PIP5K1A: variants seen among roughly 807,000 people sequenced by gnomAD.
PIP5K1A encodes the protein phosphatidylinositol-4-phosphate 5-kinase type 1 alpha.
PIP5K1A carries 46 observed loss-of-function variants against 72.9 expected under a neutral mutation model. The observed-to-expected ratio is 0.63, with a 90% CI of 0.50 to 0.81. The LOEUF (loss-of-function observed/expected upper bound fraction) is 0.81. Ranked by LOEUF, PIP5K1A falls within the 30% of genes least tolerant of loss-of-function variation. PIP5K1A has a pLI of 0.00. For synonymous variants in PIP5K1A, 228 were observed against 255.1 expected (o/e 0.89, Z 1.01); for missense variants, 458 against 706.1 (o/e 0.65, Z 3.98).
At chr1:151,215,337 C>CTT (rs34641426) in intron 1 of PIP5K1A, among the ~76,000 whole-genome samples, 78 of 142,526 alleles carry the variant, frequency 5.5e-4, no homozygotes, top group Middle Eastern at 3.8e-3. Flanking sequence ...CGCACCCGGC[C>CTT]TTTTTTTTTT....
At chr1:151,207,885 A>G (rs1686166207) in intron 1 of PIP5K1A, among the ~76,000 whole-genome samples, 1 of 142,930 alleles carries the variant, frequency 7.0e-6, no homozygotes, top group Admixed American at 7.1e-5. Context: ...TTTTTTTGAG[A>G]CAGAGTTTCG....
At chr1:151,227,497 GTT>G in intron 4 of PIP5K1A, 97 bp downstream of exon 4, 3 of 704,248 alleles carry the variant, frequency 4.3e-6, no homozygotes, top group Non-Finnish European at 7.4e-6. Context: ...GTACTGTCCT[GTT>G]TCTTGATCTC....
At chr1:151,212,982 C>CT (rs1187509067) in intron 1 of PIP5K1A, among the ~76,000 whole-genome samples, 2 of 149,878 alleles carry the variant, frequency 1.3e-5, no homozygotes, top group Middle Eastern at 3.2e-3. Context: ...AGTTCGCCTC[C>CT]TGGGTTCATG....
intron 1 of PIP5K1A, among the ~76,000 whole-genome samples, chr1:151,205,980 C>T (rs587749891): frequency 1.7e-4 from 26 of 152,198 alleles, no homozygotes; most frequent in African/African-American, 4.6e-4. Flanking sequence ...AATGAAACAC[C>T]GATGGTGTTT....
chr1:151,220,231 C>T (rs1289620541), intron 1 of PIP5K1A, among the ~76,000 whole-genome samples: 1 of 151,866 alleles, frequency 6.6e-6, no homozygotes, highest in Non-Finnish European at 1.5e-5. Flanking sequence ...ATCTCGATCT[C>T]CTGACCCTGT....
intron 14 of PIP5K1A, 35 bp downstream of exon 14, chr1:151,242,602 ATC>A (rs1558302779): frequency 1.9e-6 from 3 of 1,586,368 alleles, no homozygotes; most frequent in Admixed American, 3.4e-5. Context: ...ATATAATCTT[ATC>A]TCTCTTTTCA....
At position 151,232,638 on chromosome 1, in the gene PIP5K1A, A is replaced by G. The variant is rs1392199192; in HGVS notation, c.574A>G (p.Ile192Val). 2.5e-6 allele frequency: 4 copies of G among 1,613,154 alleles called. No homozygotes were observed. The highest frequency in any genetic ancestry group is 2.2e-5 in the East Asian group (1 of 44,892). ...LFYVSSDDEFIIKTVQHKEAE... is the reference protein window; with the variant it reads ...LFYVSSDDEFVIKTVQHKEAE... ...CTATGTGTCCAGCGACGATGAGTTCATTATTAAGACAGTCCAACATAAAGA... is the reference window on the plus strand; with the variant it reads ...CTATGTGTCCAGCGACGATGAGTTCGTTATTAAGACAGTCCAACATAAAGA... The change falls in exon 7 of 16, where the codon ATT becomes GTT. Residue 192 changes from isoleucine (I) to valine (V), a missense_variant. This residue lies in a region of PIP5K1A where 220 missense variants were observed against 442.6 expected (regional missense o/e 0.50). Coordinates refer to ENST00000368888, the MANE Select transcript of PIP5K1A (RefSeq NM_001135638.2).
At chr1:151,241,879 T>C (rs1691771330) in intron 12 of PIP5K1A, among the ~76,000 whole-genome samples, 1 of 151,884 alleles carries the variant, frequency 6.6e-6, no homozygotes, top group Admixed American at 6.6e-5. Context: ...AGGCTCCATG[T>C]TGGGGGGTTA....
intron 1 of PIP5K1A, among the ~76,000 whole-genome samples, chr1:151,204,614 G>T (rs1478263316): frequency 6.6e-6 from 1 of 152,224 alleles, no homozygotes; most frequent in African/African-American, 2.4e-5. Flanking sequence ...ATTTAGAAAT[G>T]CAAACATAGA....
At chr1:151,238,856 A>G (rs187971089) in intron 10 of PIP5K1A, among the ~76,000 whole-genome samples, 21 of 152,252 alleles carry the variant, frequency 1.4e-4, no homozygotes, top group African/African-American at 3.9e-4. Flanking sequence ...CTCTCCTTTT[A>G]TAATAAATAT....
chr1:151,231,634 T>C, intron 4 of PIP5K1A, 37 bp from the exon 5 acceptor site: 2 of 1,591,904 alleles, frequency 1.3e-6, no homozygotes, highest in Non-Finnish European at 8.6e-7. Context: ...ATCCTACTTA[T>C]ACTAGGAATT....
chr1:151,241,432 A>C (rs1394134449), intron 12 of PIP5K1A, among the ~76,000 whole-genome samples: 1 of 150,844 alleles, frequency 6.6e-6, no homozygotes, highest in African/African-American at 2.4e-5. Context: ...TGAACCCGGG[A>C]GGCGGAGCTT....
At chr1:151,206,952 C>T (rs1288965317) in intron 1 of PIP5K1A, among the ~76,000 whole-genome samples, 1 of 152,138 alleles carries the variant, frequency 6.6e-6, no homozygotes, top group African/African-American at 2.4e-5. Context: ...TCACTGCAAC[C>T]TTCGCCTGCT....
Position 151,238,205 on chromosome 1 carries a change from A to G in PIP5K1A, c.1169A>G (p.Asn390Ser), listed in dbSNP as rs1691157124. ...AGTATGGGTGGCATCCCTGCCCGGA[A>G]TAGTAAAGGGGAAAGGCTTCTGCTT... ...DDHMGGIPARNSKGERLLLYI... is the reference protein window; with the variant it reads ...DDHMGGIPARSSKGERLLLYI... Residue 390 changes from asparagine to serine, a missense_variant, in exon 10 of 16, where the codon AAT (asparagine) becomes AGT (serine). Physicochemically the swap from Asn to Ser is conservative, Grantham distance 46 (BLOSUM62 1). This residue lies in a region of PIP5K1A where 220 missense variants were observed against 442.6 expected (regional missense o/e 0.50). Transcript: ENST00000368888. 1 of 1,612,930 alleles carries G rather than the reference A, an allele frequency of 6.2e-7. No individual in the cohort carries two copies.
chr1:151,212,063 G>A (rs981420011), intron 1 of PIP5K1A, among the ~76,000 whole-genome samples: 9 of 151,792 alleles, frequency 5.9e-5, no homozygotes, highest in African/African-American at 2.2e-4. Context: ...AGTGAGCCAA[G>A]ATCACGACGC....
chr1:151,206,201 TCTC>T (rs1417110341), intron 1 of PIP5K1A, among the ~76,000 whole-genome samples: 3 of 152,214 alleles, frequency 2.0e-5, no homozygotes, highest in African/African-American at 7.2e-5. Flanking sequence ...TTTTCTTTAT[TCTC>T]CTGTGAAATT....
intron 5 of PIP5K1A, 32 bp downstream of exon 5, chr1:151,231,833 G>A (rs1283029043): frequency 6.2e-7 from 1 of 1,610,534 alleles, no homozygotes; most frequent in Non-Finnish European, 8.5e-7. Flanking sequence ...AGCATGTCCT[G>A]GAAATGTGGC....
intron 1 of PIP5K1A, among the ~76,000 whole-genome samples, chr1:151,223,095 G>C (rs1203627655): frequency 2.0e-5 from 3 of 151,530 alleles, no homozygotes; most frequent in Non-Finnish European, 4.4e-5. Context: ...TCACCCCTGT[G>C]ATCCCAGCAC....
rs1037857764 is a variant in PIP5K1A at position 151,249,314 on chromosome 1, T to C, written c.*1449T>C. ...TTGCTATTTTTTTTTCATAATTTAC[T>C]ATTTATGATGTATTTAAGTGTTTTA... On this transcript the variant is annotated 3_prime_UTR_variant, in exon 16 of 16. Coordinates refer to ENST00000368888, the MANE Select transcript of PIP5K1A (RefSeq NM_001135638.2). The C allele has an allele frequency of 2.6e-5, 4 of 152,112 alleles. No homozygotes were observed. Among genetic ancestry groups the C allele is most frequent in the Non-Finnish European group, 5.9e-5 (4 of 68,022 alleles). 9.4% of individuals were successfully genotyped at this position (152,112 alleles called of 1,614,324 possible).
Sources: allele counts gnomAD v4.1 joint callset (sites outside exome capture counted in the v4.1 genomes callset), GRCh38; gene constraint gnomAD v4.1.1; regional missense constraint gnomAD v4.1.1; transcripts MANE v1.5; gene names NCBI Gene and HGNC (gene_info 2026-07-23, HGNC 2026-07-21).